AFF2: variants seen among roughly 807,000 people sequenced by gnomAD.
AFF2 encodes the protein ALF transcription elongation factor 2.
A neutral mutation model predicts 76.9 loss-of-function variants in AFF2; 14 were observed. The observed-to-expected ratio is 0.18, with a 90% CI of 0.12 to 0.28. The LOEUF (loss-of-function observed/expected upper bound fraction) is 0.28. Ranked by LOEUF, AFF2 falls within the 10% of genes least tolerant of loss-of-function variation. The pLI is 1.00. For missense variants in AFF2, 868 were observed against 1,001.1 expected (o/e 0.87, Z 1.79); for synonymous variants, 398 against 366.7 (o/e 1.09, Z -0.98).
At chrX:148,984,786 C>T (rs782400740) in intron 19 of AFF2, among the ~76,000 whole-genome samples, 4 of 111,375 alleles carry the variant, frequency 3.6e-5, no homozygotes, top group Non-Finnish European at 7.5e-5. Context: ...TTTGGTTTCT[C>T]CTGTGACTCC....
At chrX:148,698,797 G>GTTTTTTTTTTTTTTTTTTTTTTTTTT (rs142604433) in intron 3 of AFF2, among the ~76,000 whole-genome samples, 1 of 71,714 alleles carries the variant, frequency 1.4e-5, no homozygotes, top group African/African-American at 5.0e-5. Context: ...GAGTTCTAGT[G>GTTTTTTTTTTTTTTTTTTTTTTTTTT]TTTTTTTTTT....
intron 3 of AFF2, among the ~76,000 whole-genome samples, chrX:148,744,193 C>T (rs1156879511): frequency 9.0e-6 from 1 of 111,195 alleles, no homozygotes; most frequent in Non-Finnish European, 1.9e-5. Flanking sequence ...AGTAGAGGCT[C>T]CTGTGAAGAT....
intron 9 of AFF2, among the ~76,000 whole-genome samples, chrX:148,909,039 T>C (rs1378725058): frequency 8.9e-6 from 1 of 112,075 alleles, no homozygotes; most frequent in Non-Finnish European, 1.9e-5. Flanking sequence ...AGCATTAAGC[T>C]TTTTTGTGAT....
chrX:148,742,212 G>C (rs2055364543), intron 3 of AFF2, among the ~76,000 whole-genome samples: 1 of 112,102 alleles, frequency 8.9e-6, no homozygotes, highest in Non-Finnish European at 1.9e-5. Context: ...TTACAATCAA[G>C]ATGATAACTC....
chrX:148,529,564 A>T (rs1031263671), intron 1 of AFF2, among the ~76,000 whole-genome samples: 1 of 111,997 alleles, frequency 8.9e-6, no homozygotes, highest in Non-Finnish European at 1.9e-5. Flanking sequence ...GAAAGTGATA[A>T]ATTGGATGCG....
intron 3 of AFF2, among the ~76,000 whole-genome samples, chrX:148,701,141 G>A (rs1411375879): frequency 9.2e-6 from 1 of 109,140 alleles, no homozygotes; most frequent in Admixed American, 9.9e-5. Context: ...TGTAATTCTG[G>A]CAGGAACAAT....
At chrX:148,775,167 A>G (rs888426985) in intron 3 of AFF2, among the ~76,000 whole-genome samples, 7 of 111,929 alleles carry the variant, frequency 6.3e-5, no homozygotes, top group Admixed American at 2.8e-4. Flanking sequence ...AGAGTCTTAT[A>G]TCTATCTTGG....
At chrX:148,913,148 A>G (rs1278131946) in intron 9 of AFF2, among the ~76,000 whole-genome samples, 4 of 112,197 alleles carry the variant, frequency 3.6e-5, no homozygotes, top group Non-Finnish European at 7.5e-5. Context: ...TTTCATTGGT[A>G]TTTGGATTTG....
chrX:148,652,294 C>T (rs1020053199), intron 2 of AFF2, among the ~76,000 whole-genome samples, 163 bp downstream of exon 2: 3 of 112,001 alleles, frequency 2.7e-5, no homozygotes, highest in African/African-American at 6.5e-5. Context: ...AAGTTTCTGA[C>T]GAAGTCTTCA....
intron 7 of AFF2, among the ~76,000 whole-genome samples, chrX:148,864,836 C>G (rs782063552): frequency 8.9e-6 from 1 of 111,785 alleles, no homozygotes; most frequent in Non-Finnish European, 1.9e-5. Context: ...CTGACAAGCT[C>G]TCTCTCATCT....
At chrX:148,660,153 C>T (rs1479865504) in intron 2 of AFF2, among the ~76,000 whole-genome samples, 1 of 111,950 alleles carries the variant, frequency 8.9e-6, no homozygotes, top group Non-Finnish European at 1.9e-5. Flanking sequence ...TTATATTTCT[C>T]CTATTGCCCT....
intron 8 of AFF2, among the ~76,000 whole-genome samples, chrX:148,897,676 G>A (rs1368899458): frequency 5.5e-5 from 6 of 109,955 alleles, no homozygotes; most frequent in Non-Finnish European, 1.1e-4. Flanking sequence ...TTCTGGTTAT[G>A]AATGGTAGGG....
intron 8 of AFF2, among the ~76,000 whole-genome samples, chrX:148,894,461 T>A (rs2071258802): frequency 8.9e-6 from 1 of 111,923 alleles, no homozygotes; most frequent in African/African-American, 3.2e-5. Context: ...AGTTTCCAAA[T>A]TTGAGATTAA....
At position 148,926,462 on chromosome X, in the gene AFF2, C is replaced by T. The variant is rs186225137; in HGVS notation, c.1397+22204C>T. ...GCTCCCTCTCCACCAATGACAGTGGCCGACTGATGGTATAGTTTAGGAGGG... is the reference window on the plus strand; with the variant it reads ...GCTCCCTCTCCACCAATGACAGTGGTCGACTGATGGTATAGTTTAGGAGGG... On this transcript the variant is annotated intron_variant, in intron 9 of 20. Coordinates refer to ENST00000370460, the MANE Select transcript of AFF2 (RefSeq NM_002025.4). Among the ~76,000 whole-genome samples the T allele has an allele frequency of 2.6e-3, 294 of 111,716 alleles. 1 individual carries two copies. Among genetic ancestry groups the T allele is most frequent in the African/African-American group, 8.9e-3 (274 of 30,753 alleles).
intron 3 of AFF2, among the ~76,000 whole-genome samples, chrX:148,668,415 C>T (rs782146574): frequency 8.0e-5 from 9 of 112,832 alleles, no homozygotes; most frequent in Non-Finnish European, 1.5e-4. Context: ...GACTCTGTGG[C>T]AGCTCTGACC....
intron 3 of AFF2, among the ~76,000 whole-genome samples, chrX:148,743,175 T>C (rs782101542): frequency 2.7e-5 from 3 of 112,137 alleles, no homozygotes; most frequent in South Asian, 7.4e-4. Flanking sequence ...TATTTTCTCA[T>C]GGACCAGAGA....
At chrX:148,551,606 C>G (rs1242990646) in intron 1 of AFF2, among the ~76,000 whole-genome samples, 1 of 109,782 alleles carries the variant, frequency 9.1e-6, no homozygotes, top group African/African-American at 3.3e-5. Flanking sequence ...GTTCTGGAGA[C>G]CCTGTGTATT....
chrX:148,807,589 T>C (rs1164126849), intron 3 of AFF2, among the ~76,000 whole-genome samples: 1 of 112,451 alleles, frequency 8.9e-6, no homozygotes, highest in African/African-American at 3.2e-5. Context: ...ATCAGTGATA[T>C]ATTTTCACTG....
rs782314256 is a variant in AFF2 at position 148,500,962 on chromosome X, G to A, written c.-136G>A. The A allele has an allele frequency of 3.4e-4, 269 of 781,276 alleles. 3 individuals carry two copies. In the East Asian group the frequency reaches 9.6e-3, roughly 28 times the overall value. 64.4% of individuals were successfully genotyped at this position (781,276 alleles called of 1,213,427 possible). On this transcript the variant is annotated 5_prime_UTR_variant, in exon 1 of 21. Transcript: ENST00000370460. The stretch of plus-strand genomic sequence containing the variant: ...AGCGCCCGCTGCTGCTGCCGATGCG[G>A]CCCGGACACTTTTAGCTGGGCGGGA...
Sources: allele counts gnomAD v4.1 joint callset (sites outside exome capture counted in the v4.1 genomes callset), GRCh38; gene constraint gnomAD v4.1.1; transcripts MANE v1.5; gene names NCBI Gene and HGNC (gene_info 2026-07-23, HGNC 2026-07-21).